RABGAP1L: variants seen among roughly 807,000 people sequenced by gnomAD.
The protein encoded by RABGAP1L is RAB GTPase activating protein 1 like, also known as rab GTPase-activating protein 1-like.
In RABGAP1L, 63 loss-of-function variants were observed where a neutral mutation model predicts 137.7. That is an observed-to-expected ratio of 0.46 (90% CI 0.37 to 0.56). RABGAP1L has a LOEUF of 0.56. Ranked by LOEUF, RABGAP1L falls within the 20% of genes least tolerant of loss-of-function variation. The pLI is 0.00. For synonymous variants in RABGAP1L, 431 were observed against 433.7 expected (o/e 0.99, Z 0.08); for missense variants, 1,095 against 1,244.0 (o/e 0.88, Z 1.80).
Position 174,281,747 on chromosome 1 carries a change from A to G in RABGAP1L, c.1323+2968A>G, listed in dbSNP as rs1675578570. Among the ~76,000 whole-genome samples, 3 of 152,330 alleles carry G rather than the reference A, an allele frequency of 2.0e-5. No homozygotes were observed. The South Asian group carries it at 6.2e-4, about 32-fold the overall frequency. On this transcript the variant is annotated intron_variant, in intron 10 of 25. Transcript: ENST00000681986. ...TCAACTTTATTGAGGTAGTTAGCAT[A>G]CAGTAATATGCACCCATTTAATAGT...
intron 10 of RABGAP1L, among the ~76,000 whole-genome samples, chr1:174,286,250 T>C (rs548255166): frequency 6.6e-6 from 1 of 152,336 alleles, no homozygotes; most frequent in Admixed American, 6.5e-5. Context: ...TATTATTCTT[T>C]ATTGGTCTGT....
At chr1:174,965,953 T>C (rs192612702) in intron 20 of RABGAP1L, among the ~76,000 whole-genome samples, 1 of 152,352 alleles carries the variant, frequency 6.6e-6, no homozygotes, top group African/African-American at 2.4e-5. Context: ...GCAACAGTCA[T>C]TGTAATGAGA....
At chr1:174,307,388 C>G (rs570987635) in intron 11 of RABGAP1L, among the ~76,000 whole-genome samples, 6 of 152,184 alleles carry the variant, frequency 3.9e-5, no homozygotes, top group Non-Finnish European at 7.4e-5. Flanking sequence ...GCAACCATCA[C>G]CTCTATCTAG....
intron 1 of RABGAP1L, among the ~76,000 whole-genome samples, chr1:174,161,219 GTATTATTATTATTATTATTAT>G (rs72031504): frequency 6.9e-6 from 1 of 145,310 alleles, no homozygotes; most frequent in Non-Finnish European, 1.5e-5. Flanking sequence ...GCTCTGATGT[GTATTATTATTATTATTATTAT>G]TATTATTATT....
chr1:174,907,290 T>C (rs76263367), intron 19 of RABGAP1L, among the ~76,000 whole-genome samples: 2 of 152,174 alleles, frequency 1.3e-5, no homozygotes, highest in African/African-American at 2.4e-5. Context: ...TTCTGTTCTT[T>C]TATTTGTGAT....
intron 11 of RABGAP1L, among the ~76,000 whole-genome samples, chr1:174,368,734 C>T (rs1684853622): frequency 6.6e-6 from 1 of 152,072 alleles, no homozygotes; most frequent in Non-Finnish European, 1.5e-5. Context: ...AAAAAATATA[C>T]ATACTCTATA....
intron 14 of RABGAP1L, among the ~76,000 whole-genome samples, chr1:174,648,395 T>C (rs1217713490): frequency 6.6e-6 from 1 of 152,192 alleles, no homozygotes; most frequent in Non-Finnish European, 1.5e-5. Context: ...GAGATTCTGA[T>C]ACATTGTGTC....
chr1:174,376,595 A>G (rs542318335), intron 12 of RABGAP1L, among the ~76,000 whole-genome samples: 5 of 152,346 alleles, frequency 3.3e-5, no homozygotes, highest in Non-Finnish European at 7.3e-5. Context: ...GAAAAACCAT[A>G]TAATCATTTC....
At chr1:174,732,071 G>A (rs1018543904) in intron 17 of RABGAP1L, among the ~76,000 whole-genome samples, 8 of 152,090 alleles carry the variant, frequency 5.3e-5, no homozygotes, top group Admixed American at 1.3e-4. Flanking sequence ...GTGTTGTGGC[G>A]CGTGCCTGTA....
intron 13 of RABGAP1L, among the ~76,000 whole-genome samples, chr1:174,430,404 G>A (rs1652493340): frequency 1.3e-5 from 2 of 151,626 alleles, no homozygotes; most frequent in African/African-American, 4.9e-5. Context: ...ACTTCTTATA[G>A]CACCCTCATG....
chr1:174,446,394 A>G (rs1421252661), intron 13 of RABGAP1L, among the ~76,000 whole-genome samples: 1 of 152,202 alleles, frequency 6.6e-6, no homozygotes, highest in African/African-American at 2.4e-5. Flanking sequence ...TTTCAGAAGA[A>G]TGCTTTCTGT....
At chr1:174,799,089 G>A (rs937507089) in intron 18 of RABGAP1L, among the ~76,000 whole-genome samples, 2 of 152,064 alleles carry the variant, frequency 1.3e-5, no homozygotes, top group Non-Finnish European at 1.5e-5. Context: ...CAAGGTCTGT[G>A]GCATACAAAA....
At chr1:174,652,245 C>G (rs927645538) in intron 14 of RABGAP1L, among the ~76,000 whole-genome samples, 7 of 152,128 alleles carry the variant, frequency 4.6e-5, no homozygotes, top group Non-Finnish European at 8.8e-5. Context: ...GTATCCCTAC[C>G]TTTCTCTCTG....
intron 19 of RABGAP1L, among the ~76,000 whole-genome samples, chr1:174,844,124 G>C (rs1693795915): frequency 6.7e-6 from 1 of 150,222 alleles, no homozygotes; most frequent in African/African-American, 2.5e-5. Context: ...CTGGATATTA[G>C]CCCTTTGTCA....
At chr1:174,575,486 C>G (rs547572741) in intron 13 of RABGAP1L, among the ~76,000 whole-genome samples, 31 of 152,120 alleles carry the variant, frequency 2.0e-4, no homozygotes, top group Admixed American at 3.3e-4. Context: ...GACCCATCAT[C>G]AGTTGTGAAA....
At position 174,167,813 on chromosome 1, in the gene RABGAP1L, T is replaced by A. The variant is rs563145205; in HGVS notation, c.-34+8156T>A. Among the ~76,000 whole-genome samples, 6 of 152,190 alleles carry A rather than the reference T, an allele frequency of 3.9e-5. No individual in the cohort carries two copies. In the South Asian group the frequency reaches 1.2e-3, roughly 32 times the overall value. On this transcript the variant is annotated intron_variant, in intron 1 of 25. Transcript: ENST00000681986. ...AGGTTTAAGAGACACATATCACTAG[T>A]TTTTTTTATAAACTACATGGAGTGT...
At chr1:174,628,374 G>A (rs1485320210) in intron 13 of RABGAP1L, among the ~76,000 whole-genome samples, 4 of 152,234 alleles carry the variant, frequency 2.6e-5, no homozygotes, top group Admixed American at 6.5e-5. Context: ...TGTCTAAAAT[G>A]TATATTCACC....
chr1:174,448,171 T>A lies in RABGAP1L; in HGVS notation c.1710+54026T>A. The A allele has an allele frequency of 6.2e-7, 1 of 1,613,606 alleles. No individual in the cohort carries two copies. Among genetic ancestry groups the A allele is most frequent in the Non-Finnish European group, 8.5e-7 (1 of 1,179,562 alleles). ...TGAACATGAGCAGTGGCATTGTGAA[T>A]GTGTCCGAGCGTCACTCCTGCCCAC... On this transcript the variant is annotated intron_variant, in intron 13 of 25. Transcript: ENST00000681986. This position sits in a 1 kb window ranked among gnomAD's most constrained non-coding sequence, Gnocchi z 4.2.
chr1:174,805,026 A>C (rs565079835), intron 18 of RABGAP1L, among the ~76,000 whole-genome samples: 9 of 84,302 alleles, frequency 1.1e-4, no homozygotes, highest in Non-Finnish European at 2.4e-4. Flanking sequence ...TATACTTCTG[A>C]TACCCCCCAA....
Sources: allele counts gnomAD v4.1 joint callset (sites outside exome capture counted in the v4.1 genomes callset), GRCh38; gene constraint gnomAD v4.1.1; non-coding constraint Gnocchi (gnomAD v3.1); transcripts MANE v1.5; gene names NCBI Gene and HGNC (gene_info 2026-07-23, HGNC 2026-07-21).